The following HDGFL3 variants were observed in gnomAD, a reference collection of about 807,000 sequenced individuals.
The protein encoded by HDGFL3 is hepatoma-derived growth factor-related protein 3.
A neutral mutation model predicts 27.6 loss-of-function variants in HDGFL3; 6 were observed. The observed-to-expected ratio is 0.22, with a 90% CI of 0.12 to 0.43. The LOEUF is 0.43. Ranked by LOEUF, HDGFL3 falls within the 20% of genes least tolerant of loss-of-function variation. The pLI, the probability that HDGFL3 is intolerant of heterozygous loss-of-function variation, is 1.00. For synonymous variants in HDGFL3, 88 were observed against 88.9 expected (o/e 0.99, Z 0.05); for missense variants, 207 against 250.1 (o/e 0.83, Z 1.16).
rs1454998468 is a variant in HDGFL3, at chr15:83,133,696, C to T, written c.*5574G>A. 1 of 152,250 alleles carries T rather than the reference C, an allele frequency of 6.6e-6. No individual in the cohort carries two copies. Among genetic ancestry groups the T allele is most frequent in the African/African-American group, 2.4e-5 (1 of 41,460 alleles). 9.4% of individuals were successfully genotyped at this position (152,250 alleles called of 1,614,324 possible). ...GACCCCAGCACAGGCTCAGGCTGAG[C>T]TCTTCAGGTCCTGCCATGAGAGGCC... On this transcript the variant is annotated 3_prime_UTR_variant, in exon 6 of 6. Coordinates refer to ENST00000299633, the MANE Select transcript of HDGFL3 (RefSeq NM_016073.4).
chr15:83,157,817 G>A (rs1405971523), intron 3 of HDGFL3, 86 bp downstream of exon 3: 1 of 1,261,188 alleles, frequency 7.9e-7, no homozygotes, highest in Non-Finnish European at 1.1e-6. Context: ...GTAACTATTA[G>A]TAGAAAGGAC....
rs1446241248 is a variant in HDGFL3, at chr15:83,136,266, G to A, written c.*3004C>T. The A allele has an allele frequency of 1.5e-5, 6 of 413,134 alleles. No individual in the cohort carries two copies. Among genetic ancestry groups the A allele is most frequent in the Admixed American group, 1.2e-4 (3 of 25,104 alleles). 25.6% of individuals were successfully genotyped at this position (413,134 alleles called of 1,614,324 possible). ...AAATAATATCTACTTTATTTGAACA[G>A]TCATATCAAGAATGGCCCTAAATTT... is the stretch of plus-strand genomic sequence containing the variant. On this transcript the variant is annotated 3_prime_UTR_variant, in exon 6 of 6. Transcript: ENST00000299633.
chr15:83,204,174 A>G (rs1760578588), intron 1 of HDGFL3, among the ~76,000 whole-genome samples: 1 of 151,484 alleles, frequency 6.6e-6, no homozygotes, highest in Admixed American at 6.6e-5. Flanking sequence ...ATGTCAATGT[A>G]TTTATGTATT....
In HDGFL3 at chr15:83,157,542, TC is replaced by T; in HGVS notation, c.331del (p.Glu111ArgfsTer19). On this transcript the variant is annotated frameshift_variant, in exon 4 of 6. Transcript: ENST00000299633. LOFTEE classifies it high-confidence loss of function. ...ATCTGCAGTATTTCCACCTTCTCCC[TC>T]AGTTTCTGAAGAGCTCTGTTGCTGA... ...AIQQQSSSET[E>X]GEGGNTADAS... is the part of the protein sequence containing the mutation. The T allele has an allele frequency of 6.2e-7, 1 of 1,613,886 alleles. No homozygotes were observed. Among genetic ancestry groups the T allele is most frequent in the Non-Finnish European group, 8.5e-7 (1 of 1,179,826 alleles).
chr15:83,153,780 C>G (rs1370810171), intron 4 of HDGFL3, among the ~76,000 whole-genome samples: 1 of 152,054 alleles, frequency 6.6e-6, no homozygotes, highest in East Asian at 1.9e-4. Flanking sequence ...TGCTATGACT[C>G]AAATATGAAT....
chr15:83,144,439 C>T, intron 5 of HDGFL3: 1 of 456,170 alleles, frequency 2.2e-6, no homozygotes, highest in South Asian at 1.5e-5. Context: ...TGGGATGTCA[C>T]TTCTGAGATT....
intron 1 of HDGFL3, among the ~76,000 whole-genome samples, chr15:83,174,930 T>C (rs570992960): frequency 6.6e-6 from 1 of 151,870 alleles, no homozygotes; most frequent in Admixed American, 6.5e-5. Context: ...GTTTGGCTCA[T>C]ACAGTGTTTT....
chr15:83,164,907 T>A (rs900618663), intron 1 of HDGFL3, among the ~76,000 whole-genome samples: 1 of 152,254 alleles, frequency 6.6e-6, no homozygotes, highest in African/African-American at 2.4e-5. Flanking sequence ...TGAAACTGCA[T>A]GGAGTTGTTT....
intron 1 of HDGFL3, among the ~76,000 whole-genome samples, chr15:83,192,820 C>A (rs2037528353): frequency 1.3e-5 from 2 of 152,204 alleles, no homozygotes; most frequent in Non-Finnish European, 2.9e-5. Context: ...CTGATTCAAT[C>A]ATTTAAATAA....
At chr15:83,121,451 C>T (rs1596495303) in intron 3 of HDGFL3, among the ~76,000 whole-genome samples, 1 of 152,304 alleles carries the variant, frequency 6.6e-6, no homozygotes, top group East Asian at 1.9e-4. Context: ...ACATGGGGTA[C>T]ATGTCACTTG....
At chr15:83,200,442 T>C (rs1319930312) in intron 1 of HDGFL3, among the ~76,000 whole-genome samples, 1 of 152,184 alleles carries the variant, frequency 6.6e-6, no homozygotes, top group Non-Finnish European at 1.5e-5. Flanking sequence ...CAACTCACTA[T>C]TATAAAGCCA....
intron 5 of HDGFL3, chr15:83,144,613 G>A: frequency 6.8e-6 from 3 of 443,998 alleles, no homozygotes; most frequent in South Asian, 3.2e-5. Flanking sequence ...AGGAACTGAG[G>A]CCTCCAGTCC....
intron 4 of HDGFL3, among the ~76,000 whole-genome samples, chr15:83,156,739 G>T (rs576505701): frequency 1.3e-5 from 2 of 152,108 alleles, no homozygotes; most frequent in East Asian, 3.9e-4. Context: ...TGTCACCCAG[G>T]CTGGAGTGCA....
chr15:83,194,111 T>C (rs2151420955), intron 1 of HDGFL3, among the ~76,000 whole-genome samples: 1 of 152,312 alleles, frequency 6.6e-6, no homozygotes, highest in East Asian at 1.9e-4. Flanking sequence ...AAGAGATAGT[T>C]GTACATTCAT....
intron 2 of HDGFL3, among the ~76,000 whole-genome samples, chr15:83,163,226 A>T (rs774240572): frequency 1.2e-4 from 19 of 152,210 alleles, no homozygotes; most frequent in Non-Finnish European, 2.8e-4. Context: ...GTTGCCAGGA[A>T]CCTATCAACT....
At chr15:83,143,932 C>T (rs2036836910) in intron 5 of HDGFL3, among the ~76,000 whole-genome samples, 2 of 152,046 alleles carry the variant, frequency 1.3e-5, no homozygotes, top group Admixed American at 6.6e-5. Flanking sequence ...TGATATAAGA[C>T]TTTATTGTCA....
chr15:83,184,688 C>T (rs774327527), intron 1 of HDGFL3: 4 of 152,126 alleles, frequency 2.6e-5, no homozygotes, highest in Admixed American at 6.6e-5. Context: ...GTACTGTAAT[C>T]ACTTTTATTG....
At chr15:83,172,368 G>C (rs2037256027) in intron 1 of HDGFL3, among the ~76,000 whole-genome samples, 1 of 152,058 alleles carries the variant, frequency 6.6e-6, no homozygotes, top group Non-Finnish European at 1.5e-5. Flanking sequence ...TTGAACAACA[G>C]GGATTGGGGC....
intron 1 of HDGFL3, among the ~76,000 whole-genome samples, chr15:83,180,115 G>GAA (rs909697075): frequency 1.4e-5 from 2 of 145,532 alleles, no homozygotes; most frequent in East Asian, 2.0e-4. Flanking sequence ...AGTGGAAAAG[G>GAA]AAAAAAAAAA....
Sources: gnomAD v4.1 joint callset for allele counts (sites outside exome capture counted in the v4.1 genomes callset) on GRCh38, gnomAD v4.1.1 for gene constraint, MANE v1.5 for transcripts, NCBI Gene and HGNC (gene_info 2026-07-23, HGNC 2026-07-21) for gene names.